RBL2: variants seen among roughly 807,000 people sequenced by gnomAD.
RBL2 encodes the protein retinoblastoma-like protein 2.
A neutral mutation model predicts 126.0 loss-of-function variants in RBL2; 56 were observed. The ratio of observed to expected loss-of-function variants is 0.44; its 90% CI spans 0.36 to 0.56. The LOEUF is 0.56. Among genes scored for constraint, RBL2 ranks in the 20% least tolerant of loss-of-function variants. RBL2 has a pLI of 0.00. For missense variants in RBL2, 1,229 were observed against 1,398.2 expected (o/e 0.88, Z 1.93); for synonymous variants, 454 against 478.5 (o/e 0.95, Z 0.67).
chr16:53,481,942 A>T, intron 21 of RBL2, 107 bp downstream of exon 21: 4 of 1,199,840 alleles, frequency 3.3e-6, no homozygotes, highest in Non-Finnish European at 3.5e-6. Flanking sequence ...GAGAGCTGCC[A>T]GGGAGCAGTG....
chr16:53,464,452 A>G, intron 12 of RBL2, 89 bp downstream of exon 12: 1 of 1,138,402 alleles, frequency 8.8e-7, no homozygotes, highest in Non-Finnish European at 1.2e-6. Context: ...AACATCTAAG[A>G]ACATTTATTC....
intron 17 of RBL2, among the ~76,000 whole-genome samples, chr16:53,473,847 C>T (rs1437385376): frequency 6.6e-6 from 1 of 151,552 alleles, no homozygotes; most frequent in Non-Finnish European, 1.5e-5. Flanking sequence ...TTTTTTTTAT[C>T]ATGAAAGGGC....
chr16:53,470,140 A>G lies in RBL2; in HGVS notation c.2200A>G (p.Thr734Ala), dbSNP rs1460333786. The G allele has an allele frequency of 6.2e-7, 1 of 1,613,382 alleles. No individual in the cohort carries two copies. Among genetic ancestry groups the G allele is most frequent in the Admixed American group, 1.7e-5 (1 of 59,998 alleles). Residue 734 changes from threonine (T) to alanine (A), a missense_variant, in exon 15 of 22, where the codon ACT (threonine) becomes GCT (alanine). This residue lies in a region of RBL2 where 1,070 missense variants were observed against 1,274.3 expected (regional missense o/e 0.84). Transcript: ENST00000262133. The part of the protein sequence containing the change: ...GQTLVTMATA[T>A]VTANNGQTVT... ...GACTTTGGTCACCATGGCAACCGCC[A>G]CTGTCACAGCCAACAATGGGCAAAC...
chr16:53,435,229 C>T (rs564562693), intron 1 of RBL2, among the ~76,000 whole-genome samples: 2 of 152,264 alleles, frequency 1.3e-5, no homozygotes, highest in South Asian at 4.1e-4. Flanking sequence ...TCCGTCTGTT[C>T]GCTTCCCCCT....
intron 19 of RBL2, 100 bp from the exon 20 acceptor site, chr16:53,480,467 A>C: frequency 1.1e-6 from 1 of 949,732 alleles, no homozygotes; most frequent in East Asian, 2.4e-5. Context: ...GTTATTAGCA[A>C]GTAGTGCAGG....
chr16:53,459,590 C>T lies in RBL2; in HGVS notation c.1319C>T (p.Pro440Leu). The T allele has an allele frequency of 6.4e-7, 1 of 1,566,642 alleles. No individual in the cohort carries two copies. The highest frequency in any genetic ancestry group is 1.2e-5 in the South Asian group (1 of 84,474). The change falls in exon 9 of 22, where the codon CCA becomes CTA. Residue 440 changes from proline (P) to leucine (L), a missense_variant. Pro to Leu is a moderately conservative substitution (Grantham distance 98). This residue lies in a region of RBL2 where 1,070 missense variants were observed against 1,274.3 expected (regional missense o/e 0.84). Coordinates refer to ENST00000262133, the MANE Select transcript of RBL2 (RefSeq NM_005611.4). The stretch of plus-strand genomic sequence containing the variant: ...ATGCTGACAGGCCTCAGGAATGCAC[C>T]AAGTGAGAAACTGGAACAGATTCTC... Reference protein sequence around the residue: ...HTMLTGLRNAPSEKLEQILRT... With the variant: ...HTMLTGLRNALSEKLEQILRT...
chr16:53,463,299 C>T (rs2058240249), intron 11 of RBL2, among the ~76,000 whole-genome samples: 2 of 152,252 alleles, frequency 1.3e-5, no homozygotes, highest in South Asian at 2.1e-4. Context: ...GGTCATCTAG[C>T]CAGTCACCTG....
chr16:53,486,122 T>G (rs932603160), intron 21 of RBL2, among the ~76,000 whole-genome samples: 3 of 117,200 alleles, frequency 2.6e-5, no homozygotes, highest in Admixed American at 8.5e-5. Flanking sequence ...AGACCTTGTC[T>G]CTGAAAAAAA....
chr16:53,480,689 A>G lies in RBL2; in HGVS notation c.3004A>G (p.Arg1002Gly), dbSNP rs767513038. ...CAACAGTGACATGGAAGAAGAGGAG[A>G]GGGGAGACCTCATTCAGTTCTACAA... is the stretch of plus-strand genomic sequence containing the variant. The part of the protein sequence containing the change: ...GANSDMEEEE[R>G]GDLIQFYNNI... The change falls in exon 20 of 22, where the codon AGG (arginine) becomes GGG (glycine). Residue 1002 changes from arginine to glycine, a missense_variant. Physicochemically the swap from Arg to Gly is moderately radical, Grantham distance 125. Coordinates refer to ENST00000262133, the MANE Select transcript of RBL2 (RefSeq NM_005611.4). The G allele has an allele frequency of 1.7e-5, 28 of 1,613,726 alleles. No homozygotes were observed. The highest frequency in any genetic ancestry group is 2.2e-5 in the Non-Finnish European group (26 of 1,179,994).
At chr16:53,482,715 C>T (rs775085553) in intron 21 of RBL2, among the ~76,000 whole-genome samples, 2 of 149,708 alleles carry the variant, frequency 1.3e-5, no homozygotes, top group African/African-American at 2.5e-5. Context: ...GAGGCTAAGG[C>T]AGGAAAATAG....
intron 12 of RBL2, among the ~76,000 whole-genome samples, chr16:53,465,054 G>C (rs1379190513): frequency 6.6e-6 from 1 of 152,186 alleles, no homozygotes; most frequent in African/African-American, 2.4e-5. Flanking sequence ...CGGCCCCCCA[G>C]AGTGCTGGGA....
chr16:53,485,705 A>T (rs1012676861), intron 21 of RBL2, among the ~76,000 whole-genome samples: 2 of 151,766 alleles, frequency 1.3e-5, no homozygotes, highest in East Asian at 1.9e-4. Flanking sequence ...AAAAAAAAAA[A>T]TTTAACTGGG....
At chr16:53,488,720 A>T (rs919232334) in intron 21 of RBL2, 1 of 152,232 alleles carries the variant, frequency 6.6e-6, no homozygotes, top group African/African-American at 2.4e-5. Flanking sequence ...TACTTGACAG[A>T]GCAGTGTCAG....
chr16:53,470,943 T>C, intron 17 of RBL2, 21 bp downstream of exon 17: 1 of 1,594,434 alleles, frequency 6.3e-7, no homozygotes, highest in Non-Finnish European at 8.5e-7. Context: ...TTTGGAATTG[T>C]AAAGGCAAAG....
intron 1 of RBL2, 52 bp downstream of exon 1, chr16:53,434,848 C>A: frequency 7.0e-7 from 1 of 1,421,750 alleles, no homozygotes; most frequent in Non-Finnish European, 9.2e-7. Context: ...TGAACCGGTG[C>A]CTTCCGAGCC....
chr16:53,452,037 T>G (rs2058120771), intron 5 of RBL2, among the ~76,000 whole-genome samples: 1 of 152,198 alleles, frequency 6.6e-6, no homozygotes. Flanking sequence ...AAGTCTTAAA[T>G]GACAACTTCA....
intron 15 of RBL2, 62 bp from the exon 16 acceptor site, chr16:53,470,321 C>A: frequency 1.9e-6 from 3 of 1,576,882 alleles, no homozygotes; most frequent in Non-Finnish European, 2.6e-6. Context: ...AAATTGTAAA[C>A]CTCTGCCCGG....
chr16:53,442,397 T>G (rs913583513), intron 2 of RBL2, among the ~76,000 whole-genome samples: 1 of 152,206 alleles, frequency 6.6e-6, no homozygotes, highest in Non-Finnish European at 1.5e-5. Flanking sequence ...AGGTTACTCT[T>G]GTTAATTTTG....
chr16:53,435,388 A>G (rs1448097673), intron 1 of RBL2, among the ~76,000 whole-genome samples: 1 of 152,108 alleles, frequency 6.6e-6, no homozygotes, highest in East Asian at 1.9e-4. Flanking sequence ...CCGGATGTAG[A>G]CACATGCCCC....
Sources: gnomAD v4.1 joint callset for allele counts (sites outside exome capture counted in the v4.1 genomes callset) on GRCh38, gnomAD v4.1.1 for gene constraint, gnomAD v4.1.1 regional missense constraint, MANE v1.5 for transcripts, NCBI Gene and HGNC (gene_info 2026-07-23, HGNC 2026-07-21) for gene names.